BACH2: variants seen among roughly 807,000 people sequenced by gnomAD.
BACH2 encodes the protein BACH transcriptional regulator 2.
A neutral mutation model predicts 61.8 loss-of-function variants in BACH2; 5 were observed. The observed-to-expected ratio is 0.08, with a 90% CI of 0.04 to 0.17. The LOEUF (loss-of-function observed/expected upper bound fraction) is 0.17. Among genes scored for constraint, BACH2 ranks in the 10% least tolerant of loss-of-function variants. BACH2 has a pLI of 1.00. For missense variants in BACH2, 824 were observed against 1,091.1 expected (o/e 0.76, Z 3.45); for synonymous variants, 446 against 440.1 (o/e 1.01, Z -0.17).
chr6:90,079,642 T>A (rs748289059), intron 5 of BACH2, among the ~76,000 whole-genome samples: 1 of 152,200 alleles, frequency 6.6e-6, no homozygotes, highest in African/African-American at 2.4e-5. Context: ...ACCAGACAGA[T>A]GCAAAGATGT....
chr6:89,980,153 G>A (rs1775871269), intron 6 of BACH2, among the ~76,000 whole-genome samples: 1 of 152,054 alleles, frequency 6.6e-6, no homozygotes, highest in South Asian at 2.1e-4. Context: ...AATTAGCTGG[G>A]CGTGGTGGTG....
intron 4 of BACH2, among the ~76,000 whole-genome samples, chr6:90,179,932 G>T (rs1413727112): frequency 6.6e-6 from 1 of 152,088 alleles, no homozygotes; most frequent in Non-Finnish European, 1.5e-5. Context: ...CATGAGTAGG[G>T]CAATTGTAGA....
At chr6:90,127,274 T>A (rs1303872360) in intron 4 of BACH2, among the ~76,000 whole-genome samples, 3 of 123,244 alleles carry the variant, frequency 2.4e-5, no homozygotes, top group African/African-American at 4.4e-5. Context: ...GATTTCCCGC[T>A]CCGCTCCGGG....
At chr6:90,253,619 G>A (rs1006037635) in intron 2 of BACH2, among the ~76,000 whole-genome samples, 6 of 152,138 alleles carry the variant, frequency 3.9e-5, no homozygotes, top group Non-Finnish European at 8.8e-5. Flanking sequence ...TGCATCAACA[G>A]ATTTTCTGTA....
rs534121599 is a variant in BACH2 at position 90,115,499 on chromosome 6, C to A, written c.-161-26390G>T. Among the ~76,000 whole-genome samples, 9 of 152,184 alleles carry A rather than the reference C, an allele frequency of 5.9e-5. 1 individual carries two copies. In the South Asian group the frequency reaches 1.2e-3, roughly 21 times the overall value. On this transcript the variant is annotated intron_variant, in intron 4 of 8. Coordinates refer to ENST00000257749, the MANE Select transcript of BACH2 (RefSeq NM_021813.4). ...AGATTGAAGCTGGACCCCTTTTTTA[C>A]ACCACGTACAAAAATCAATTCAAGA... is the stretch of plus-strand genomic sequence containing the variant.
chr6:90,277,928 C>G (rs1348651079), intron 1 of BACH2, among the ~76,000 whole-genome samples: 3 of 152,142 alleles, frequency 2.0e-5, no homozygotes, highest in African/African-American at 7.2e-5. Context: ...ATCCGAGAAG[C>G]CTTTAAAGTT....
intron 6 of BACH2, among the ~76,000 whole-genome samples, chr6:89,963,311 T>C (rs1204146130): frequency 1.3e-5 from 2 of 151,108 alleles, no homozygotes; most frequent in African/African-American, 4.8e-5. Flanking sequence ...TGTTTTTGTT[T>C]TTAAGACAGG....
chr6:90,113,028 A>G (rs542412836), intron 4 of BACH2, among the ~76,000 whole-genome samples: 156 of 152,366 alleles, frequency 1.0e-3, no homozygotes, highest in Non-Finnish European at 1.5e-3. Context: ...ATAATGGTAA[A>G]ATGTTCAATT....
rs188627453 is a variant in BACH2, at chr6:90,163,440, C to T, written c.-162+43129G>A. ...TAAGTAGAGTTATCCTGCTTAACAT[C>T]CTGCCCCACTAATTTTTATTTGAAT... On this transcript the variant is annotated intron_variant, in intron 4 of 8. Transcript: ENST00000257749. Among the ~76,000 whole-genome samples the T allele has an allele frequency of 1.8e-3, 277 of 152,268 alleles. 2 individuals are homozygous for T. Among genetic ancestry groups the T allele is most frequent in the Middle Eastern group, 3.4e-3 (1 of 294 alleles).
rs61478814 is a variant in BACH2, at chr6:90,085,242, C to T, written c.-13+3719G>A. 6.1e-3 allele frequency among the ~76,000 whole-genome samples: 931 copies of T among 152,216 alleles called. 49 individuals carry two copies. In the East Asian group the frequency reaches 0.13, roughly 22 times the overall value. ...ATCATAATAATCATAGGCCCTACAG[C>T]GGGAGAACTATCTGCTGTGGATTTC... On this transcript the variant is annotated intron_variant, in intron 5 of 8. Transcript: ENST00000257749.
At chr6:90,191,440 A>C (rs2127844792) in intron 4 of BACH2, among the ~76,000 whole-genome samples, 1 of 152,382 alleles carries the variant, frequency 6.6e-6, no homozygotes, top group African/African-American at 2.4e-5. Context: ...CATTCTTTTA[A>C]GAACTAAAAC....
chr6:90,125,780 G>A (rs559354457), intron 4 of BACH2, among the ~76,000 whole-genome samples: 5 of 152,256 alleles, frequency 3.3e-5, no homozygotes, highest in South Asian at 4.1e-4. Flanking sequence ...CCCAGCACAC[G>A]CAACTTCTCT....
At position 90,159,199 on chromosome 6, in the gene BACH2, G is replaced by A. The variant is rs969925048; in HGVS notation, c.-162+47370C>T. Among the ~76,000 whole-genome samples the A allele has an allele frequency of 4.6e-5, 7 of 152,296 alleles. No homozygotes were observed. The South Asian group carries it at 1.0e-3, about 23-fold the overall frequency. On this transcript the variant is annotated intron_variant, in intron 4 of 8. Coordinates refer to ENST00000257749, the MANE Select transcript of BACH2 (RefSeq NM_021813.4). ...GTTTCCCTACTGGGAAATCAACTAC[G>A]TGGTCTAGTAGAATGAAAGGCACGG...
intron 4 of BACH2, among the ~76,000 whole-genome samples, chr6:90,167,812 G>A (rs1418255132): frequency 1.3e-5 from 2 of 152,184 alleles, no homozygotes; most frequent in Middle Eastern, 3.2e-3. Flanking sequence ...GAATTTAGAT[G>A]TTTGGGAGTT....
intron 6 of BACH2, among the ~76,000 whole-genome samples, chr6:89,988,034 G>T (rs1023080406): frequency 1.3e-5 from 2 of 152,136 alleles, no homozygotes; most frequent in African/African-American, 4.8e-5. Context: ...CTTCAGTTTG[G>T]AATGCTGGCC....
At chr6:89,976,400 C>T (rs2128362134) in intron 6 of BACH2, among the ~76,000 whole-genome samples, 1 of 152,354 alleles carries the variant, frequency 6.6e-6, no homozygotes, top group East Asian at 1.9e-4. Flanking sequence ...CAAGCTGCTG[C>T]TCTCATTACA....
At chr6:90,267,289 A>G (rs927317371) in intron 2 of BACH2, among the ~76,000 whole-genome samples, 2 of 152,218 alleles carry the variant, frequency 1.3e-5, no homozygotes, top group Non-Finnish European at 2.9e-5. Context: ...AATTGAATAG[A>G]AAGATCCAGC....
At chr6:90,204,564 A>G (rs1482346181) in intron 4 of BACH2, among the ~76,000 whole-genome samples, 1 of 152,184 alleles carries the variant, frequency 6.6e-6, no homozygotes, top group African/African-American at 2.4e-5. Flanking sequence ...ACCTACTGAG[A>G]CTTGACATTT....
intron 5 of BACH2, among the ~76,000 whole-genome samples, chr6:90,074,499 T>C (rs1028979814): frequency 3.9e-5 from 6 of 152,122 alleles, no homozygotes; most frequent in Admixed American, 1.3e-4. Flanking sequence ...CATTAAGGGG[T>C]TGACTTCTGA....
Sources: allele counts gnomAD v4.1 joint callset (sites outside exome capture counted in the v4.1 genomes callset), GRCh38; gene constraint gnomAD v4.1.1; transcripts MANE v1.5; gene names NCBI Gene and HGNC (gene_info 2026-07-23, HGNC 2026-07-21).